Variants in ACVR1 observed in about 807,000 individuals in gnomAD.
ACVR1 encodes the protein activin receptor type-1.
In ACVR1, 38 loss-of-function variants were observed where a neutral mutation model predicts 57.1. The observed-to-expected ratio is 0.67, with a 90% confidence interval of 0.51 to 0.87. ACVR1 has a LOEUF of 0.87. Among genes scored for constraint, ACVR1 ranks in the 40% least tolerant of loss-of-function variants. The pLI is 0.00. For missense variants in ACVR1, 463 were observed against 638.2 expected (o/e 0.73, Z 2.96); for synonymous variants, 212 against 228.1 (o/e 0.93, Z 0.63).
chr2:157,740,640 G>A (rs1246984775), intron 9 of ACVR1, among the ~76,000 whole-genome samples: 2 of 152,216 alleles, frequency 1.3e-5, no homozygotes, highest in African/African-American at 2.4e-5. Context: ...AAAGGGTTAT[G>A]TGAATGTGAA....
intron 1 of ACVR1, among the ~76,000 whole-genome samples, chr2:157,839,517 A>T (rs1423208008): frequency 6.6e-6 from 1 of 152,214 alleles, no homozygotes; most frequent in African/African-American, 2.4e-5. Flanking sequence ...TGAATGGCCC[A>T]GGGAGAAATG....
At chr2:157,803,824 T>C (rs1687414997) in intron 2 of ACVR1, among the ~76,000 whole-genome samples, 1 of 152,106 alleles carries the variant, frequency 6.6e-6, no homozygotes, top group Non-Finnish European at 1.5e-5. Flanking sequence ...GTAGGCTACA[T>C]CTCTTGATAT....
intron 1 of ACVR1, among the ~76,000 whole-genome samples, chr2:157,842,437 C>G (rs535390524): frequency 6.6e-6 from 1 of 152,344 alleles, no homozygotes; most frequent in South Asian, 2.1e-4. Context: ...GAGCCAGGCA[C>G]TGATTTAGGC....
chr2:157,782,556 A>G (rs1686562618), intron 3 of ACVR1, among the ~76,000 whole-genome samples: 1 of 152,226 alleles, frequency 6.6e-6, no homozygotes, highest in Admixed American at 6.5e-5. Context: ...AATCCAGCAA[A>G]AAGTTTACAC....
chr2:157,875,771 G>C (rs926550278), intron 1 of ACVR1, 25 bp downstream of exon 1: 5 of 152,016 alleles, frequency 3.3e-5, no homozygotes, highest in Non-Finnish European at 7.4e-5. Context: ...GGCTCCAGCA[G>C]GCGCGGCCGG....
Position 157,766,041 on chromosome 2 carries a change from G to C in ACVR1, c.946C>G (p.Leu316Val). The C allele has an allele frequency of 4.3e-6, 7 of 1,614,122 alleles. No homozygotes were observed. Among genetic ancestry groups the C allele is most frequent in the Non-Finnish European group, 5.9e-6 (7 of 1,179,994 alleles). The change falls in exon 8 of 11, where the codon CTT (leucine) becomes GTT (valine). Residue 316 changes from leucine (L) to valine (V), a missense_variant. Around this residue, in one of 3 missense-constraint regions of ACVR1, gnomAD observed 114 missense variants for 216.2 expected, o/e 0.53. Coordinates refer to ENST00000434821, the MANE Select transcript of ACVR1 (RefSeq NM_001111067.4). ...LRIVLSIASG[L>V]AHLHIEIFGT... ...AATATCTCTATGTGCAAATGTGCAA[G>C]ACCACTAGCTATGGACAGCACTATT...
At chr2:157,796,448 G>A (rs1247077646) in intron 3 of ACVR1, among the ~76,000 whole-genome samples, 2 of 152,036 alleles carry the variant, frequency 1.3e-5, no homozygotes, top group African/African-American at 2.4e-5. Context: ...CAGCTACTCA[G>A]GAGGCTGACG....
intron 1 of ACVR1, among the ~76,000 whole-genome samples, chr2:157,852,797 G>A (rs941103688): frequency 1.3e-5 from 2 of 152,106 alleles, no homozygotes; most frequent in African/African-American, 4.8e-5. Flanking sequence ...AAATGTCATA[G>A]TATCAAAATT....
At chr2:157,825,692 C>G (rs1352062720) in intron 1 of ACVR1, among the ~76,000 whole-genome samples, 1 of 152,214 alleles carries the variant, frequency 6.6e-6, no homozygotes, top group Non-Finnish European at 1.5e-5. Context: ...CCCCACTACT[C>G]CATCCGTAGA....
chr2:157,799,927 A>G (rs1052603399), intron 2 of ACVR1, among the ~76,000 whole-genome samples: 6 of 152,350 alleles, frequency 3.9e-5, no homozygotes, highest in Non-Finnish European at 8.8e-5. Flanking sequence ...ACGACTGAAT[A>G]ATTCAAGCCA....
At chr2:157,830,753 G>A (rs1377362370) in intron 1 of ACVR1, among the ~76,000 whole-genome samples, 3 of 140,888 alleles carry the variant, frequency 2.1e-5, no homozygotes, top group Non-Finnish European at 3.1e-5. Context: ...AAAAAAAAAT[G>A]TAATTTTTTC....
chr2:157,819,428 C>T (rs1239879564), intron 1 of ACVR1: 2 of 146,576 alleles, frequency 1.4e-5, no homozygotes, highest in African/African-American at 2.5e-5. Context: ...TACGGTGAGC[C>T]GAGATCACGG....
chr2:157,818,550 A>G lies in ACVR1; in HGVS notation c.-173T>C, dbSNP rs1688031676. On this transcript the variant is annotated 5_prime_UTR_variant, in exon 2 of 11. Transcript: ENST00000434821. ...CACTTTGGCAGTGTGACGCTTACCAATGCTCCAGGCTGCAGAGGGAAAGAA... is the reference window on the plus strand; with the variant it reads ...CACTTTGGCAGTGTGACGCTTACCAGTGCTCCAGGCTGCAGAGGGAAAGAA... 1.3e-5 allele frequency: 2 copies of G among 152,384 alleles called. No homozygotes were observed. Among genetic ancestry groups the G allele is most frequent in the Admixed American group, 1.3e-4 (2 of 15,306 alleles). 9.4% of individuals were successfully genotyped at this position (152,384 alleles called of 1,614,324 possible). A position where few individuals can be genotyped will look rare whatever the true frequency, so the allele number is the denominator to read the frequency against.
chr2:157,822,780 G>C (rs1035291756), intron 1 of ACVR1, among the ~76,000 whole-genome samples: 3 of 152,162 alleles, frequency 2.0e-5, no homozygotes, highest in African/African-American at 7.2e-5. Context: ...TGAAATGGTA[G>C]AACTGATAGT....
At chr2:157,794,003 A>G (rs926270756) in intron 3 of ACVR1, among the ~76,000 whole-genome samples, 6 of 152,344 alleles carry the variant, frequency 3.9e-5, no homozygotes, top group Middle Eastern at 3.4e-3. Flanking sequence ...AAAATTCTGC[A>G]TAAGTCTGGC....
rs745849936 is a variant in ACVR1, at chr2:157,760,582, C to T, written c.1264+298G>A. Among the ~76,000 whole-genome samples the T allele has an allele frequency of 2.7e-4, 41 of 152,132 alleles. 1 individual carries two copies. Among genetic ancestry groups the T allele is most frequent in the Admixed American group, 1.4e-3 (21 of 15,292 alleles). Reference sequence around the variant, plus strand: ...ATGTACCCCATAAACGCAAGTATTACGTATCAATTTTAAAAATTTAAAAGA... The same window carrying T: ...ATGTACCCCATAAACGCAAGTATTATGTATCAATTTTAAAAATTTAAAAGA... On this transcript the variant is annotated intron_variant, in intron 9 of 10. Transcript: ENST00000434821.
Position 157,876,062 on chromosome 2 carries a change from C to T in ACVR1, c.-449G>A, listed in dbSNP as rs1690282509. On this transcript the variant is annotated 5_prime_UTR_variant, in exon 1 of 11. Transcript: ENST00000434821. ...CGCGGCTGGCCGAGGAGCAGGCTGG[C>T]AGCGGCAGCGGCGGCAGCGGCAGCC... Among the ~76,000 whole-genome samples, 1 of 143,914 alleles carries T rather than the reference C, an allele frequency of 6.9e-6. No individual in the cohort carries two copies. The highest frequency in any genetic ancestry group is 2.6e-5 in the African/African-American group (1 of 38,624). 94.4% of individuals were successfully genotyped at this position (143,914 alleles called of 152,430 possible).
At chr2:157,779,614 T>C (rs1013810797) in intron 4 of ACVR1, among the ~76,000 whole-genome samples, 2 of 152,226 alleles carry the variant, frequency 1.3e-5, no homozygotes, top group African/African-American at 4.8e-5. Flanking sequence ...ACTAAACCTA[T>C]TAAAAATGTA....
At chr2:157,775,423 A>T (rs1686243602) in intron 5 of ACVR1, among the ~76,000 whole-genome samples, 1 of 152,212 alleles carries the variant, frequency 6.6e-6, no homozygotes. Context: ...GAGTTGCAGT[A>T]ATATTGACTT....
Sources: gnomAD v4.1 joint callset for allele counts (sites outside exome capture counted in the v4.1 genomes callset) on GRCh38, gnomAD v4.1.1 for gene constraint, gnomAD v4.1.1 regional missense constraint, MANE v1.5 for transcripts, NCBI Gene and HGNC (gene_info 2026-07-23, HGNC 2026-07-21) for gene names.